The following SH3GL3 variants were observed in gnomAD, a reference collection of about 807,000 sequenced individuals.
The protein encoded by SH3GL3 is SH3 domain containing GRB2 like 3, endophilin A3, also known as endophilin-A3.
SH3GL3 carries 33 observed loss-of-function variants against 47.7 expected under a neutral mutation model. That is an observed-to-expected ratio of 0.69 (90% confidence interval 0.52 to 0.92). The LOEUF is 0.92. SH3GL3 is among the 40% of genes least tolerant of loss of function. The pLI is 0.00. For missense variants in SH3GL3, 363 were observed against 417.8 expected (o/e 0.87, Z 1.14); for synonymous variants, 155 against 148.8 (o/e 1.04, Z -0.30).
At chr15:83,609,684 C>T (rs775197047) in intron 8 of SH3GL3, among the ~76,000 whole-genome samples, 8 of 152,132 alleles carry the variant, frequency 5.3e-5, no homozygotes, top group Non-Finnish European at 7.4e-5. Context: ...ACAGTGGGCT[C>T]CTTCGGTGGT....
At position 83,448,168 on chromosome 15, in the gene SH3GL3, C is replaced by G; in HGVS notation, c.45+590C>G. On this transcript the variant is annotated intron_variant, in intron 1 of 8. Transcript: ENST00000427482. The surrounding 1 kb of genome is among the most constrained non-coding windows in gnomAD (Gnocchi z 4.2). ...CCCCACCGTCTTCCCGGTGTCGGCC[C>G]GGGGCTGGGCATCACGCTTCTGCTC... 6.6e-6 allele frequency among the ~76,000 whole-genome samples: 1 copy of G among 152,196 alleles called. No homozygotes were observed. Among genetic ancestry groups the G allele is most frequent in the East Asian group, 1.9e-4 (1 of 5,190 alleles).
chr15:83,623,541 TATCTCACAGGCTGGGCCTGCTACC>T (rs950769278), downstream of SH3GL3, among the ~76,000 whole-genome samples: 2 of 152,236 alleles, frequency 1.3e-5, no homozygotes, highest in African/African-American at 4.8e-5. Flanking sequence ...CCCTGTTGAC[TATCTCACAGGCTGGGCCTGCTACC>T]ATCTCACAGG....
intron 1 of SH3GL3, among the ~76,000 whole-genome samples, chr15:83,476,208 A>G (rs2041088223): frequency 6.6e-6 from 1 of 152,178 alleles, no homozygotes. Context: ...GTCAAGTAAA[A>G]TTTGCTGAAG....
chr15:83,466,422 A>G (rs933643684), intron 1 of SH3GL3, among the ~76,000 whole-genome samples: 1 of 151,894 alleles, frequency 6.6e-6, no homozygotes, highest in South Asian at 2.1e-4. Flanking sequence ...GAATATATAT[A>G]TATATATGGG....
intron 1 of SH3GL3, among the ~76,000 whole-genome samples, chr15:83,536,600 A>T (rs1283068853): frequency 6.6e-6 from 1 of 151,130 alleles, no homozygotes; most frequent in African/African-American, 2.4e-5. Context: ...ATAGGGTTTC[A>T]CCATGTTGGT....
intron 1 of SH3GL3, among the ~76,000 whole-genome samples, chr15:83,493,708 G>C (rs1263329440): frequency 6.7e-6 from 1 of 149,168 alleles, no homozygotes; most frequent in Non-Finnish European, 1.5e-5. Context: ...TTTCCAATCT[G>C]TAACCCGCCA....
chr15:83,598,500 A>G (rs910046413), intron 8 of SH3GL3, among the ~76,000 whole-genome samples: 2 of 152,172 alleles, frequency 1.3e-5, no homozygotes, highest in Non-Finnish European at 2.9e-5. Flanking sequence ...TTTGTAAGTG[A>G]TAGGGATTTG....
At chr15:83,486,228 C>T (rs1194825446) in intron 1 of SH3GL3, among the ~76,000 whole-genome samples, 1 of 150,440 alleles carries the variant, frequency 6.6e-6, no homozygotes, top group Non-Finnish European at 1.5e-5. Flanking sequence ...GTCTCTTATA[C>T]TGCTTTTTTT....
At chr15:83,536,020 C>CT (rs2043885325) in intron 1 of SH3GL3, among the ~76,000 whole-genome samples, 1 of 152,162 alleles carries the variant, frequency 6.6e-6, no homozygotes, top group Non-Finnish European at 1.5e-5. Flanking sequence ...CGTAGACATC[C>CT]TTTCTGAAAA....
intron 1 of SH3GL3, among the ~76,000 whole-genome samples, chr15:83,545,984 CCAGAA>C (rs2044372810): frequency 1.3e-5 from 2 of 152,288 alleles, no homozygotes; most frequent in South Asian, 4.1e-4. Context: ...ACACCTGAAG[CCAGAA>C]CAGTACTGGG....
intron 1 of SH3GL3, among the ~76,000 whole-genome samples, chr15:83,453,727 T>C (rs1436046174): frequency 2.7e-5 from 1 of 37,096 alleles, no homozygotes; most frequent in African/African-American, 1.0e-4. Flanking sequence ...GCTAGCGGTC[T>C]ATCAATTTTG....
intron 1 of SH3GL3, among the ~76,000 whole-genome samples, chr15:83,463,143 C>G (rs187887464): frequency 6.6e-6 from 1 of 152,174 alleles, no homozygotes; most frequent in African/African-American, 2.4e-5. Flanking sequence ...TAAAATAACT[C>G]CACAAGAAAT....
At chr15:83,514,258 CTT>C (rs2042889431) in intron 1 of SH3GL3, among the ~76,000 whole-genome samples, 1 of 152,212 alleles carries the variant, frequency 6.6e-6, no homozygotes, top group Non-Finnish European at 1.5e-5. Context: ...CCTTGAAAAA[CTT>C]TTCCCACTGG....
rs2039550219 is a variant in SH3GL3, at chr15:83,448,336, T to A, written c.45+758T>A. On this transcript the variant is annotated intron_variant, in intron 1 of 8. Transcript: ENST00000427482. This position sits in a 1 kb window ranked among gnomAD's most constrained non-coding sequence, Gnocchi z 4.2. ...TTCCCGGAGGAGGAGACATGTCATTTGAGAATTAAGTATGAGGAAGAATTA... is the reference window on the plus strand; with the variant it reads ...TTCCCGGAGGAGGAGACATGTCATTAGAGAATTAAGTATGAGGAAGAATTA... Among the ~76,000 whole-genome samples the A allele has an allele frequency of 6.6e-6, 1 of 151,950 alleles. No individual in the cohort carries two copies. The highest frequency in any genetic ancestry group is 1.5e-5 in the Non-Finnish European group (1 of 67,994).
intron 1 of SH3GL3, among the ~76,000 whole-genome samples, chr15:83,524,021 T>C (rs992606816): frequency 6.6e-6 from 1 of 151,522 alleles, no homozygotes; most frequent in African/African-American, 2.4e-5. Context: ...CTGGTAATAC[T>C]ATACAGATGA....
intron 1 of SH3GL3, among the ~76,000 whole-genome samples, chr15:83,552,888 A>G (rs2044736124): frequency 6.6e-6 from 1 of 152,198 alleles, no homozygotes; most frequent in Non-Finnish European, 1.5e-5. Flanking sequence ...TAGTGGAAAC[A>G]ATATCATTAT....
chr15:83,574,304 A>G (rs376397286), intron 5 of SH3GL3, among the ~76,000 whole-genome samples: 38 of 152,198 alleles, frequency 2.5e-4, no homozygotes, highest in African/African-American at 8.7e-4. Context: ...AGCTCCCTAA[A>G]CATCCCATTC....
downstream of SH3GL3, among the ~76,000 whole-genome samples, chr15:83,622,195 A>G (rs1350474475): frequency 6.6e-6 from 1 of 152,194 alleles, no homozygotes; most frequent in Admixed American, 6.5e-5. Flanking sequence ...ATGCCATAAC[A>G]CTGAGTAACT....
intron 1 of SH3GL3, among the ~76,000 whole-genome samples, chr15:83,495,668 C>T (rs535632964): frequency 1.1e-4 from 16 of 152,012 alleles, no homozygotes; most frequent in Non-Finnish European, 1.5e-4. Flanking sequence ...ACCCAGGAGG[C>T]GGAGGTTGCA....
Sources: gnomAD v4.1 joint callset for allele counts (sites outside exome capture counted in the v4.1 genomes callset) on GRCh38, gnomAD v4.1.1 for gene constraint, Gnocchi (gnomAD v3.1) non-coding constraint, MANE v1.5 for transcripts, NCBI Gene and HGNC (gene_info 2026-07-23, HGNC 2026-07-21) for gene names.